The following NTRK3 variants were observed in gnomAD, a reference collection of about 807,000 sequenced individuals.
NTRK3 encodes the protein NT-3 growth factor receptor.
A neutral mutation model predicts 91.7 loss-of-function variants in NTRK3; 24 were observed. That is an observed-to-expected ratio of 0.26 (90% CI 0.19 to 0.37). The LOEUF (loss-of-function observed/expected upper bound fraction) is 0.37. NTRK3 is among the 10% of genes least tolerant of loss of function. NTRK3 has a pLI of 1.00. For synonymous variants in NTRK3, 483 were observed against 404.0 expected, an observed-to-expected ratio of 1.20 and a Z score of -2.34; for missense variants, 880 against 1,068.9, an observed-to-expected ratio of 0.82 and a Z score of 2.46.
chr15:87,978,909 TC>T, intron 14 of NTRK3: 1 of 314,758 alleles, frequency 3.2e-6, no homozygotes, highest in Non-Finnish European at 5.9e-6. Context: ...CAGCATGGTA[TC>T]CTGGGAGAGC....
chr15:88,146,931 A>G (rs1458691084), intron 6 of NTRK3, among the ~76,000 whole-genome samples: 1 of 152,174 alleles, frequency 6.6e-6, no homozygotes, highest in Non-Finnish European at 1.5e-5. Context: ...GAATAATAAT[A>G]TCTACCTCTT....
chr15:88,129,546 A>G (rs2053607921), intron 10 of NTRK3, among the ~76,000 whole-genome samples: 2 of 152,194 alleles, frequency 1.3e-5, no homozygotes, highest in Non-Finnish European at 2.9e-5. Flanking sequence ...CACACAACAG[A>G]AGCACCCAGA....
chr15:88,028,112 G>C (rs1260579323), intron 14 of NTRK3, among the ~76,000 whole-genome samples: 1 of 147,980 alleles, frequency 6.8e-6, no homozygotes, highest in African/African-American at 2.5e-5. Context: ...TGGAAAGAAG[G>C]AATAAAGGCT....
At chr15:87,986,425 T>C (rs2141430543) in intron 14 of NTRK3, among the ~76,000 whole-genome samples, 1 of 152,356 alleles carries the variant, frequency 6.6e-6, no homozygotes, top group Non-Finnish European at 1.5e-5. Context: ...TATAACCCTG[T>C]TTCTCCTCTA....
chr15:88,004,918 A>G (rs1438110410), intron 14 of NTRK3, among the ~76,000 whole-genome samples: 2 of 152,178 alleles, frequency 1.3e-5, no homozygotes, highest in African/African-American at 4.8e-5. Flanking sequence ...ACAGTGCTGG[A>G]GTATTCCATG....
chr15:87,999,647 G>A (rs555674202), intron 14 of NTRK3, among the ~76,000 whole-genome samples: 3 of 152,288 alleles, frequency 2.0e-5, no homozygotes. Flanking sequence ...CTGTGGATAG[G>A]GGCATGATAA....
At chr15:87,911,660 G>A (rs899526647) in intron 17 of NTRK3, among the ~76,000 whole-genome samples, 5 of 152,204 alleles carry the variant, frequency 3.3e-5, no homozygotes, top group Non-Finnish European at 7.3e-5. Flanking sequence ...AATAATGGAG[G>A]ACAACCCTTG....
Position 87,889,253 on chromosome 15 carries a change from G to C in NTRK3, c.2134-8825C>G, listed in dbSNP as rs1284416580. On this transcript the variant is annotated intron_variant, in intron 17 of 18. Coordinates refer to ENST00000394480, the Ensembl canonical transcript of NTRK3. ...CTGTTTGCCTGATCATAAGCACCTGGCATGCTTGTTAAAAATATAGATTCC... is the reference window on the plus strand; with the variant it reads ...CTGTTTGCCTGATCATAAGCACCTGCCATGCTTGTTAAAAATATAGATTCC... Among the ~76,000 whole-genome samples, 7 of 152,108 alleles carry C rather than the reference G, an allele frequency of 4.6e-5. No homozygotes were observed. In the East Asian group the frequency reaches 1.3e-3, roughly 29 times the overall value.
chr15:87,930,354 A>G (rs557936449), intron 16 of NTRK3, among the ~76,000 whole-genome samples: 5 of 152,308 alleles, frequency 3.3e-5, no homozygotes, highest in African/African-American at 4.8e-5. Flanking sequence ...GCCCTTATTT[A>G]TGAAGTTGTG....
intron 13 of NTRK3, among the ~76,000 whole-genome samples, chr15:88,116,752 T>C (rs566729971): frequency 6.6e-6 from 1 of 152,350 alleles, no homozygotes; most frequent in South Asian, 2.1e-4. Flanking sequence ...TTCACTTGCA[T>C]GTTCAAGTTT....
At chr15:88,223,699 A>G (rs1298092652) in intron 3 of NTRK3, among the ~76,000 whole-genome samples, 1 of 152,162 alleles carries the variant, frequency 6.6e-6, no homozygotes, top group Non-Finnish European at 1.5e-5. Flanking sequence ...TGGGCATAAT[A>G]ATACCGTCTA....
At chr15:88,139,496 A>G (rs2042181956) in intron 6 of NTRK3, among the ~76,000 whole-genome samples, 1 of 152,178 alleles carries the variant, frequency 6.6e-6, no homozygotes, top group South Asian at 2.1e-4. Context: ...GCTCCTGGGG[A>G]AAAGAATCAG....
At chr15:88,048,399 C>T (rs934552244) in intron 13 of NTRK3, among the ~76,000 whole-genome samples, 3 of 152,176 alleles carry the variant, frequency 2.0e-5, no homozygotes, top group Non-Finnish European at 2.9e-5. Flanking sequence ...ACAGCTCTGA[C>T]AGGAGAGGCA....
chr15:87,974,478 C>G (rs147326895), intron 14 of NTRK3, among the ~76,000 whole-genome samples: 1 of 152,054 alleles, frequency 6.6e-6, no homozygotes, highest in East Asian at 1.9e-4. Flanking sequence ...CCTGGGCAGC[C>G]TAACCTGATA....
chr15:88,140,371 C>G (rs2042274243), intron 6 of NTRK3, among the ~76,000 whole-genome samples: 2 of 152,218 alleles, frequency 1.3e-5, no homozygotes, highest in African/African-American at 2.4e-5. Flanking sequence ...TCTGTACACT[C>G]TTGGCCAGAC....
rs553901666 is a variant in NTRK3 at position 87,999,487 on chromosome 15, C to T, written c.1585+33370G>A. On this transcript the variant is annotated intron_variant, in intron 14 of 18. Transcript: ENST00000394480. ...TTACATTTGCATTTTTGCAAAGCAC[C>T]TCAAACATTTTTTGCAATGAAATGG... Among the ~76,000 whole-genome samples the T allele has an allele frequency of 4.6e-5, 7 of 152,286 alleles. No homozygotes were observed. In the South Asian group the frequency reaches 1.5e-3, roughly 32 times the overall value.
chr15:88,105,092 C>A (rs1459300769), intron 13 of NTRK3, among the ~76,000 whole-genome samples: 1 of 152,118 alleles, frequency 6.6e-6, no homozygotes, highest in Non-Finnish European at 1.5e-5. Context: ...ATTCATCTTC[C>A]CAAATGACTA....
At chr15:88,187,621 A>G (rs2047047558) in intron 3 of NTRK3, among the ~76,000 whole-genome samples, 1 of 152,180 alleles carries the variant, frequency 6.6e-6, no homozygotes. Flanking sequence ...TCTGGGCTGT[A>G]CAGGTTGTTT....
At chr15:87,983,160 A>G (rs77970526) in intron 14 of NTRK3, among the ~76,000 whole-genome samples, 4,582 of 152,360 alleles carry the variant, frequency 0.03, 249 homozygotes, top group African/African-American at 0.1. Context: ...AAGTTGCTAC[A>G]TCACAGTAAC....
Sources: gnomAD v4.1 joint callset for allele counts (sites outside exome capture counted in the v4.1 genomes callset) on GRCh38, gnomAD v4.1.1 for gene constraint, MANE v1.5 for transcripts, NCBI Gene and HGNC (gene_info 2026-07-23, HGNC 2026-07-21) for gene names.